The following NEK11 variants were observed in gnomAD, a reference collection of about 807,000 sequenced individuals.
NEK11 encodes the protein serine/threonine-protein kinase Nek11.
A neutral mutation model predicts 80.7 loss-of-function variants in NEK11; 72 were observed. That is an observed-to-expected ratio of 0.89 (90% confidence interval 0.74 to 1.08). The LOEUF is 1.08. NEK11 is among the 50% of genes least tolerant of loss of function. The pLI is 0.00. For synonymous variants in NEK11, 251 were observed against 260.7 expected (o/e 0.96, Z 0.36); for missense variants, 764 against 763.6 (o/e 1.00, Z -0.01).
chr3:131,202,014 T>C (rs370401422), intron 14 of NEK11, among the ~76,000 whole-genome samples: 9 of 152,124 alleles, frequency 5.9e-5, no homozygotes, highest in African/African-American at 1.2e-4. Flanking sequence ...TTTGTATTTT[T>C]AGTAGAGACG....
intron 17 of NEK11, among the ~76,000 whole-genome samples, chr3:131,344,423 T>C (rs2097331754): frequency 6.6e-6 from 1 of 152,206 alleles, no homozygotes; most frequent in South Asian, 2.1e-4. Flanking sequence ...TCTAAGAAGT[T>C]CTAAACTTTT....
At chr3:131,338,055 C>T (rs1561619737) in intron 17 of NEK11, among the ~76,000 whole-genome samples, 1 of 152,232 alleles carries the variant, frequency 6.6e-6, no homozygotes, top group East Asian at 1.9e-4. Flanking sequence ...CAGCCTCCAC[C>T]TCCTGGGTTC....
intron 12 of NEK11, among the ~76,000 whole-genome samples, chr3:131,167,503 A>G (rs984532495): frequency 2.6e-5 from 4 of 152,076 alleles, no homozygotes; most frequent in African/African-American, 9.7e-5. Context: ...CAAGATCACC[A>G]TGTTTGTGTT....
chr3:131,265,121 C>G (rs7624212), intron 16 of NEK11, among the ~76,000 whole-genome samples: 1 of 152,022 alleles, frequency 6.6e-6, no homozygotes, highest in African/African-American at 2.4e-5. Flanking sequence ...TGGGCTGAGA[C>G]GAGGGGGTTT....
At chr3:131,071,850 T>A (rs893420892) in intron 3 of NEK11, among the ~76,000 whole-genome samples, 1 of 152,164 alleles carries the variant, frequency 6.6e-6, no homozygotes, top group Non-Finnish European at 1.5e-5. Context: ...ATTAGTAGAC[T>A]CATTAACTGC....
chr3:131,039,463 A>G (rs928344810), intron 3 of NEK11, among the ~76,000 whole-genome samples: 1 of 152,154 alleles, frequency 6.6e-6, no homozygotes, highest in African/African-American at 2.4e-5. Context: ...CCGGCAGCCC[A>G]GCTCTCTTCC....
intron 3 of NEK11, among the ~76,000 whole-genome samples, chr3:131,061,501 A>T (rs994940202): frequency 6.6e-6 from 1 of 152,026 alleles, no homozygotes; most frequent in Non-Finnish European, 1.5e-5. Flanking sequence ...TGTTGGCTAT[A>T]TATAAAATGA....
intron 14 of NEK11, among the ~76,000 whole-genome samples, chr3:131,175,788 A>ATATT (rs1560800741): frequency 6.6e-6 from 1 of 152,250 alleles, no homozygotes; most frequent in Non-Finnish European, 1.5e-5. Context: ...GATAAATTAA[A>ATATT]AAAATATTAA....
chr3:131,307,170 C>T (rs2096731794), intron 17 of NEK11, among the ~76,000 whole-genome samples: 1 of 152,144 alleles, frequency 6.6e-6, no homozygotes, highest in East Asian at 1.9e-4. Flanking sequence ...CCTGTACCTC[C>T]TATTTTGGGA....
chr3:131,030,487 G>T (rs2064670497), intron 3 of NEK11, among the ~76,000 whole-genome samples: 1 of 152,178 alleles, frequency 6.6e-6, no homozygotes, highest in South Asian at 2.1e-4. Context: ...GGAACTTCTT[G>T]AATGAGAAAA....
At chr3:131,041,260 G>A (rs1415832611) in intron 3 of NEK11, among the ~76,000 whole-genome samples, 1 of 152,166 alleles carries the variant, frequency 6.6e-6, no homozygotes, top group African/African-American at 2.4e-5. Context: ...AAGGATTAAT[G>A]ACAGATGTGA....
intron 5 of NEK11, among the ~76,000 whole-genome samples, chr3:131,129,145 G>A (rs1042186263): frequency 2.1e-5 from 3 of 141,140 alleles, no homozygotes; most frequent in Non-Finnish European, 4.5e-5. Context: ...CCACCTCCCA[G>A]GTTCATGCCA....
At chr3:131,138,743 T>G (rs754989173) in intron 7 of NEK11, among the ~76,000 whole-genome samples, 2 of 152,130 alleles carry the variant, frequency 1.3e-5, no homozygotes, top group Non-Finnish European at 2.9e-5. Context: ...TGCCTTGTAA[T>G]CCAAAGAATT....
At chr3:131,096,093 G>C (rs2077386857) in intron 4 of NEK11, among the ~76,000 whole-genome samples, 1 of 151,896 alleles carries the variant, frequency 6.6e-6, no homozygotes, top group Non-Finnish European at 1.5e-5. Flanking sequence ...GTTATAGAGG[G>C]TACATCTGTA....
intron 3 of NEK11, among the ~76,000 whole-genome samples, chr3:131,046,474 G>C (rs962534419): frequency 5.9e-5 from 9 of 152,086 alleles, no homozygotes; most frequent in African/African-American, 2.2e-4. Context: ...GAAATCTGCT[G>C]TTAATATGAT....
intron 14 of NEK11, chr3:131,175,066 A>G (rs1579591213): frequency 5.1e-6 from 6 of 1,166,410 alleles, no homozygotes; most frequent in Middle Eastern, 3.5e-4. Flanking sequence ...TGGGCTGTCT[A>G]TGACTTACGA....
chr3:131,281,198 C>A lies in NEK11; in HGVS notation c.1718+7624C>A, dbSNP rs145091119. 2.0e-3 allele frequency among the ~76,000 whole-genome samples: 305 copies of A among 152,220 alleles called. 2 individuals carry two copies. The highest frequency in any genetic ancestry group is 7.2e-3 in the African/African-American group (297 of 41,528). On this transcript the variant is annotated intron_variant, in intron 17 of 17. Coordinates refer to ENST00000383366, the MANE Select transcript of NEK11 (RefSeq NM_024800.5). Reference sequence around the variant, plus strand: ...AATTATGTAACATGTTTCCATGGGTCCAAAGTCAGATCTATTAAAAGCCAT... The same window carrying A: ...AATTATGTAACATGTTTCCATGGGTACAAAGTCAGATCTATTAAAAGCCAT...
At chr3:131,326,268 G>A (rs1032828607) in intron 17 of NEK11, 2 of 152,254 alleles carry the variant, frequency 1.3e-5, no homozygotes, top group Non-Finnish European at 2.9e-5. Flanking sequence ...AGCACCCAGA[G>A]TGATCGTGCT....
At chr3:131,061,005 G>C (rs1210825089) in intron 3 of NEK11, among the ~76,000 whole-genome samples, 3 of 152,010 alleles carry the variant, frequency 2.0e-5, no homozygotes, top group African/African-American at 7.3e-5. Context: ...TCCAGAACTG[G>C]GCATACTGTA....
Sources: allele counts gnomAD v4.1 joint callset (sites outside exome capture counted in the v4.1 genomes callset), GRCh38; gene constraint gnomAD v4.1.1; transcripts MANE v1.5; gene names NCBI Gene and HGNC (gene_info 2026-07-23, HGNC 2026-07-21).